Variants in COL23A1 observed in about 807,000 individuals in gnomAD.
COL23A1 encodes the protein collagen alpha-1(XXIII) chain.
A neutral mutation model predicts 99.3 loss-of-function variants in COL23A1; 97 were observed. The ratio of observed to expected loss-of-function variants is 0.98; its 90% CI spans 0.83 to 1.16. COL23A1 has a LOEUF of 1.16. Among genes scored for constraint, COL23A1 ranks in the 50% most tolerant of loss-of-function variants. COL23A1 has a pLI of 0.00. For missense variants in COL23A1, 762 were observed against 757.4 expected, an observed-to-expected ratio of 1.01 and a Z score of -0.07; for synonymous variants, 320 against 308.2, an observed-to-expected ratio of 1.04 and a Z score of -0.40.
intron 5 of COL23A1, among the ~76,000 whole-genome samples, chr5:178,274,939 C>T (rs1467245975): frequency 2.0e-5 from 3 of 152,296 alleles, no homozygotes; most frequent in Non-Finnish European, 2.9e-5. Flanking sequence ...CTTGGTTCTG[C>T]TTTAAATCAC....
intron 5 of COL23A1, among the ~76,000 whole-genome samples, chr5:178,286,694 T>C (rs903074776): frequency 1.3e-5 from 2 of 152,162 alleles, no homozygotes; most frequent in African/African-American, 4.8e-5. Flanking sequence ...AACTGGGTCC[T>C]GGGAGGAAGG....
Position 178,247,778 on chromosome 5 carries a change from C to CGGGCCTGGGGGGCCAGGG in COL23A1, c.1248_1265dup (p.Pro417_Pro422dup), listed in dbSNP as rs1764786337. The CGGGCCTGGGGGGCCAGGG allele has an allele frequency of 6.2e-7, 1 of 1,613,338 alleles. No individual in the cohort carries two copies. The highest frequency in any genetic ancestry group is 2.2e-5 in the East Asian group (1 of 44,862). On this transcript the variant is annotated inframe_insertion, in exon 21 of 29. Transcript: ENST00000390654. ...AACCAAAGCAAACCGTCCTTACCAT[C>CGGGCCTGGGGGGCCAGGG]GGGCCTGGGGGGCCAGGGGGGCCAG... is the stretch of plus-strand genomic sequence containing the variant.
intron 2 of COL23A1, among the ~76,000 whole-genome samples, chr5:178,453,841 A>C (rs898845018): frequency 2.0e-5 from 3 of 152,108 alleles, no homozygotes; most frequent in Non-Finnish European, 2.9e-5. Flanking sequence ...TTCCATACTG[A>C]CTCTCAAAAC....
chr5:178,572,055 G>A (rs576831996), intron 1 of COL23A1, among the ~76,000 whole-genome samples: 4 of 76,300 alleles, frequency 5.2e-5, no homozygotes, highest in East Asian at 3.4e-4. Flanking sequence ...GTGACAGAGC[G>A]AGACTCTTTC....
intron 2 of COL23A1, among the ~76,000 whole-genome samples, chr5:178,420,195 A>G (rs969090508): frequency 3.9e-5 from 6 of 152,148 alleles, no homozygotes; most frequent in Non-Finnish European, 8.8e-5. Context: ...TAGGGAAAGC[A>G]TACCACGCTC....
chr5:178,509,879 A>C (rs1475605386), intron 2 of COL23A1, among the ~76,000 whole-genome samples: 1 of 152,192 alleles, frequency 6.6e-6, no homozygotes, highest in East Asian at 1.9e-4. Flanking sequence ...TATTTAAACC[A>C]TAAATCATGT....
chr5:178,459,644 C>T (rs912938433), intron 2 of COL23A1, among the ~76,000 whole-genome samples: 20 of 152,094 alleles, frequency 1.3e-4, no homozygotes, highest in African/African-American at 4.8e-4. Context: ...CACCTATAAT[C>T]CCAGCTACTT....
chr5:178,577,006 G>A (rs890329464), intron 1 of COL23A1, among the ~76,000 whole-genome samples: 1 of 151,996 alleles, frequency 6.6e-6, no homozygotes, highest in Non-Finnish European at 1.5e-5. Context: ...TCGGGCAGCG[G>A]CCGGCGCCTG....
intron 2 of COL23A1, among the ~76,000 whole-genome samples, chr5:178,356,542 G>T (rs1761664049): frequency 6.6e-6 from 1 of 152,148 alleles, no homozygotes; most frequent in Non-Finnish European, 1.5e-5. Context: ...GAGGCATTCT[G>T]CCTCAGGAAT....
intron 2 of COL23A1, among the ~76,000 whole-genome samples, chr5:178,490,547 G>A (rs1315149712): frequency 6.6e-6 from 1 of 152,058 alleles, no homozygotes; most frequent in African/African-American, 2.4e-5. Context: ...TACTGTGACT[G>A]TACTTAATGC....
chr5:178,361,994 G>GT (rs561743778), intron 2 of COL23A1, among the ~76,000 whole-genome samples: 210 of 152,340 alleles, frequency 1.4e-3, no homozygotes, highest in African/African-American at 4.8e-3. Context: ...GAAATGCTGA[G>GT]TGGGAGATAA....
At position 178,387,986 on chromosome 5, in the gene COL23A1, C is replaced by T. The variant is rs1468554320; in HGVS notation, c.362-81067G>A. Among the ~76,000 whole-genome samples the T allele has an allele frequency of 6.6e-6, 1 of 152,050 alleles. No homozygotes were observed. The highest frequency in any genetic ancestry group is 2.4e-5 in the African/African-American group (1 of 41,382). On this transcript the variant is annotated intron_variant, in intron 2 of 28. Transcript: ENST00000390654. The surrounding 1 kb of genome is among the most constrained non-coding windows in gnomAD (Gnocchi z 4.7). ...GGAGGAGATTGATGCAGAAAGCCCC[C>T]CGCCACCATGGCCACCGCCCACCGA...
intron 1 of COL23A1, among the ~76,000 whole-genome samples, chr5:178,588,648 C>T (rs1270090527): frequency 6.6e-6 from 1 of 152,052 alleles, no homozygotes; most frequent in Non-Finnish European, 1.5e-5. Flanking sequence ...GCAATTTTAC[C>T]CAGAACCCAG....
chr5:178,538,750 T>C (rs976253131), intron 2 of COL23A1, among the ~76,000 whole-genome samples: 4 of 152,190 alleles, frequency 2.6e-5, no homozygotes, highest in Non-Finnish European at 5.9e-5. Flanking sequence ...AATGAAAACA[T>C]ATGTTCCCAC....
intron 2 of COL23A1, among the ~76,000 whole-genome samples, chr5:178,554,822 C>G (rs1762183157): frequency 6.6e-6 from 1 of 151,374 alleles, no homozygotes; most frequent in Admixed American, 6.6e-5. Flanking sequence ...AACTGGGATC[C>G]ATTCTGGGAC....
At chr5:178,495,620 G>A (rs1259850113) in intron 2 of COL23A1, among the ~76,000 whole-genome samples, 2 of 152,078 alleles carry the variant, frequency 1.3e-5, no homozygotes, top group African/African-American at 4.8e-5. Flanking sequence ...CAGATTATGA[G>A]GGAGGCTAGA....
chr5:178,253,889 C>T (rs1225995395), intron 16 of COL23A1, among the ~76,000 whole-genome samples: 1 of 151,164 alleles, frequency 6.6e-6, no homozygotes, highest in Non-Finnish European at 1.5e-5. Flanking sequence ...TCTGGCTGGG[C>T]GTGGTGGCTC....
intron 2 of COL23A1, among the ~76,000 whole-genome samples, chr5:178,530,051 T>C (rs999636818): frequency 2.0e-5 from 3 of 152,228 alleles, no homozygotes; most frequent in African/African-American, 7.2e-5. Context: ...CTAGCCTCTG[T>C]TGAATTCTGG....
At chr5:178,466,142 T>TC (rs1756409057) in intron 2 of COL23A1, among the ~76,000 whole-genome samples, 4 of 152,106 alleles carry the variant, frequency 2.6e-5, no homozygotes, top group African/African-American at 9.7e-5. Flanking sequence ...GCAAACTCAC[T>TC]CCCATCTTCG....
Sources: allele counts gnomAD v4.1 joint callset (sites outside exome capture counted in the v4.1 genomes callset), GRCh38; gene constraint gnomAD v4.1.1; non-coding constraint Gnocchi (gnomAD v3.1); transcripts MANE v1.5; gene names NCBI Gene and HGNC (gene_info 2026-07-23, HGNC 2026-07-21).